Variants in NEBL observed in about 807,000 individuals in gnomAD.
NEBL encodes nebulette.
Under a neutral mutation model 140.2 loss-of-function variants are expected in NEBL, and 122 were observed. That is an observed-to-expected ratio of 0.87 (90% CI 0.75 to 1.01). NEBL has a LOEUF of 1.01. Among genes scored for constraint, NEBL ranks in the 50% least tolerant of loss-of-function variants. The pLI is 0.00. For missense variants in NEBL, 1,365 were observed against 1,231.3 expected (o/e 1.11, Z -1.62); for synonymous variants, 436 against 398.9 (o/e 1.09, Z -1.11).
At chr10:20,947,099 G>T (rs1044003684) in intron 4 of NEBL, among the ~76,000 whole-genome samples, 6 of 152,180 alleles carry the variant, frequency 3.9e-5, no homozygotes, top group Non-Finnish European at 5.9e-5. Flanking sequence ...AATACTTAAT[G>T]AGTCCTTTTT....
At chr10:21,169,146 A>G (rs1840968424) in intron 2 of NEBL, among the ~76,000 whole-genome samples, 2 of 141,146 alleles carry the variant, frequency 1.4e-5, no homozygotes, top group African/African-American at 5.1e-5. Flanking sequence ...AGCAGCAAAC[A>G]TGGCAAAATG....
rs1247050331 is a variant in NEBL at position 20,784,585 on chromosome 10, A to C, written c.*1162T>G. The C allele has an allele frequency of 1.3e-5, 2 of 152,192 alleles. No homozygotes were observed. Among genetic ancestry groups the C allele is most frequent in the Non-Finnish European group, 2.9e-5 (2 of 68,032 alleles). 9.4% of individuals were successfully genotyped at this position (152,192 alleles called of 1,614,324 possible). A position where few individuals can be genotyped will look rare whatever the true frequency, so the allele number is the denominator to read the frequency against. ...CCAGAATTTGAATACCATTTTCCAAAAGAAGATACCAGATCATCTCTGTAT... is the reference window on the plus strand; with the variant it reads ...CCAGAATTTGAATACCATTTTCCAACAGAAGATACCAGATCATCTCTGTAT... On this transcript the variant is annotated 3_prime_UTR_variant, in exon 28 of 28. Coordinates refer to ENST00000377122, the MANE Select transcript of NEBL (RefSeq NM_006393.3).
chr10:20,942,469 C>G (rs1188344541), intron 4 of NEBL, among the ~76,000 whole-genome samples: 3 of 152,194 alleles, frequency 2.0e-5, no homozygotes, highest in Non-Finnish European at 4.4e-5. Flanking sequence ...AATGTCAGAA[C>G]TAAAACCATA....
chr10:21,044,697 C>G (rs1006176393), intron 2 of NEBL, among the ~76,000 whole-genome samples: 3 of 152,148 alleles, frequency 2.0e-5, no homozygotes, highest in Non-Finnish European at 4.4e-5. Flanking sequence ...TGGTCAACAT[C>G]TATGTACCCT....
intron 3 of NEBL, among the ~76,000 whole-genome samples, chr10:21,200,212 C>T (rs1841711148): frequency 6.6e-6 from 1 of 151,542 alleles, no homozygotes; most frequent in Non-Finnish European, 1.5e-5. Flanking sequence ...GTCTCAGAGT[C>T]TGCATCTGAG....
intron 2 of NEBL, among the ~76,000 whole-genome samples, chr10:21,159,917 C>A (rs1190298958): frequency 6.6e-6 from 1 of 152,180 alleles, no homozygotes; most frequent in Non-Finnish European, 1.5e-5. Flanking sequence ...TAAATATTCC[C>A]CTGCTGGTCT....
At chr10:21,013,263 C>A (rs1306881176) in intron 3 of NEBL, among the ~76,000 whole-genome samples, 1 of 152,130 alleles carries the variant, frequency 6.6e-6, no homozygotes, top group African/African-American at 2.4e-5. Flanking sequence ...CTATGTGAAA[C>A]GTAATCTCTT....
At chr10:21,164,097 C>A (rs936519187) in intron 2 of NEBL, among the ~76,000 whole-genome samples, 10 of 152,186 alleles carry the variant, frequency 6.6e-5, no homozygotes, top group Non-Finnish European at 1.2e-4. Flanking sequence ...AAATAGCCAA[C>A]CTGAGCATGG....
In NEBL at chr10:20,814,972, A is replaced by C. The variant is rs1045507288; in HGVS notation, c.2241+653T>G. Among the ~76,000 whole-genome samples the C allele has an allele frequency of 3.3e-5, 5 of 152,214 alleles. No individual in the cohort carries two copies. The East Asian group carries it at 9.6e-4, about 29-fold the overall frequency. ...CAGCTATTCAGGGTATGCTAAGAAA[A>C]GGGCCTGTGTTCTTCACAACTGCCC... On this transcript the variant is annotated intron_variant, in intron 22 of 27. Transcript: ENST00000377122.
intron 26 of NEBL, among the ~76,000 whole-genome samples, chr10:20,799,905 T>C (rs1168262230): frequency 1.3e-5 from 2 of 151,856 alleles, no homozygotes; most frequent in South Asian, 2.1e-4. Flanking sequence ...AAGCAAATTA[T>C]CATACCTACC....
chr10:21,006,674 A>T (rs1205276097), intron 3 of NEBL, among the ~76,000 whole-genome samples: 2 of 152,302 alleles, frequency 1.3e-5, no homozygotes, highest in South Asian at 2.1e-4. Context: ...CATGGCTTTC[A>T]CCAAATTTCC....
intron 3 of NEBL, among the ~76,000 whole-genome samples, chr10:21,240,303 G>C (rs1206568979): frequency 6.6e-6 from 1 of 152,140 alleles, no homozygotes; most frequent in Non-Finnish European, 1.5e-5. Context: ...TTCGTTGCAT[G>C]TAAGTATAGT....
chr10:21,064,774 T>C (rs941747917), intron 2 of NEBL, among the ~76,000 whole-genome samples: 4 of 152,070 alleles, frequency 2.6e-5, no homozygotes, highest in African/African-American at 7.2e-5. Flanking sequence ...AACCAACCCA[T>C]TGTGTCTTAA....
chr10:21,152,782 T>A (rs1262621621), intron 2 of NEBL, among the ~76,000 whole-genome samples: 1 of 152,024 alleles, frequency 6.6e-6, no homozygotes, highest in Non-Finnish European at 1.5e-5. Context: ...GACTAATGAG[T>A]CAAGCTGTAG....
At chr10:20,978,334 C>T (rs1323556051) in intron 3 of NEBL, among the ~76,000 whole-genome samples, 3 of 151,366 alleles carry the variant, frequency 2.0e-5, no homozygotes, top group Non-Finnish European at 2.9e-5. Flanking sequence ...AATAATATCC[C>T]GAAGAATAGA....
intron 4 of NEBL, among the ~76,000 whole-genome samples, chr10:20,955,783 A>G (rs1835771613): frequency 6.6e-6 from 1 of 152,178 alleles, no homozygotes; most frequent in Non-Finnish European, 1.5e-5. Context: ...TTAGGAAGTT[A>G]CTGCAGTAAC....
chr10:20,783,034 G>A lies in NEBL; in HGVS notation c.*2713C>T, dbSNP rs184693623. 9 of 152,710 alleles carry A rather than the reference G, an allele frequency of 5.9e-5. No individual in the cohort carries two copies. In the East Asian group the frequency reaches 1.7e-3, roughly 29 times the overall value. 9.5% of individuals were successfully genotyped at this position (152,710 alleles called of 1,614,324 possible). ...TTAGAAAGTCAGGTGCATGCTCTCT[G>A]TGCTTGGACATTTACACAGTCATCT... On this transcript the variant is annotated 3_prime_UTR_variant, in exon 28 of 28. Coordinates refer to ENST00000377122, the MANE Select transcript of NEBL (RefSeq NM_006393.3).
At chr10:21,075,932 G>A (rs1240252704) in intron 2 of NEBL, among the ~76,000 whole-genome samples, 4 of 152,088 alleles carry the variant, frequency 2.6e-5, no homozygotes, top group Non-Finnish European at 5.9e-5. Flanking sequence ...TATGAAAGAT[G>A]TTCTACATCA....
chr10:21,290,661 C>A (rs896817115), intron 1 of NEBL, among the ~76,000 whole-genome samples: 1 of 152,146 alleles, frequency 6.6e-6, no homozygotes, highest in Non-Finnish European at 1.5e-5. Context: ...AATAAGACAA[C>A]CTTTGTTCAC....
Sources: gnomAD v4.1 joint callset for allele counts (sites outside exome capture counted in the v4.1 genomes callset) on GRCh38, gnomAD v4.1.1 for gene constraint, MANE v1.5 for transcripts, NCBI Gene and HGNC (gene_info 2026-07-23, HGNC 2026-07-21) for gene names.